The following INPP5A variants were observed in gnomAD, a reference collection of about 807,000 sequenced individuals.
INPP5A encodes the protein 43 kDa inositol polyphosphate 5-phophatase.
In INPP5A, 14 loss-of-function variants were observed where a neutral mutation model predicts 65.2. That is an observed-to-expected ratio of 0.21 (90% CI 0.14 to 0.34). The LOEUF is 0.34. Among genes scored for constraint, INPP5A ranks in the 10% least tolerant of loss-of-function variants. INPP5A has a pLI of 1.00. For synonymous variants in INPP5A, 207 were observed against 208.3 expected (o/e 0.99, Z 0.05); for missense variants, 431 against 545.6 (o/e 0.79, Z 2.09).
intron 4 of INPP5A, among the ~76,000 whole-genome samples, chr10:132,688,456 T>TTGCC (rs1043188903): frequency 6.6e-6 from 1 of 152,200 alleles, no homozygotes; most frequent in Non-Finnish European, 1.5e-5. Context: ...TGTTCAGGCA[T>TTGCC]TGCCTTTGAC....
chr10:132,723,599 GTT>G, intron 8 of INPP5A, among the ~76,000 whole-genome samples: 2 of 94,924 alleles, frequency 2.1e-5, no homozygotes, highest in East Asian at 2.3e-4. Flanking sequence ...GTGGGGATTG[GTT>G]TTGTGGGGAT....
intron 8 of INPP5A, among the ~76,000 whole-genome samples, chr10:132,724,345 C>A (rs1229280363): frequency 6.6e-6 from 1 of 152,218 alleles, no homozygotes; most frequent in Admixed American, 6.5e-5. Context: ...CACCTTAATT[C>A]CGGATGGATT....
At chr10:132,734,091 T>TC (rs1382642152) in intron 9 of INPP5A, among the ~76,000 whole-genome samples, 1 of 152,184 alleles carries the variant, frequency 6.6e-6, no homozygotes, top group African/African-American at 2.4e-5. Context: ...GTACCTCTGG[T>TC]CGGGATTCAG....
chr10:132,571,886 G>A (rs2071345699), intron 1 of INPP5A, among the ~76,000 whole-genome samples: 2 of 152,206 alleles, frequency 1.3e-5, no homozygotes, highest in Non-Finnish European at 2.9e-5. Flanking sequence ...GCTGGCTCTG[G>A]CATCTGAGCT....
intron 4 of INPP5A, among the ~76,000 whole-genome samples, chr10:132,683,094 CGTGT>C (rs1213243057): frequency 1.9e-4 from 28 of 149,410 alleles, no homozygotes; most frequent in Admixed American, 1.8e-3. Context: ...CACGTGCACA[CGTGT>C]GTGTTATCCT....
intron 1 of INPP5A, among the ~76,000 whole-genome samples, chr10:132,563,398 G>C (rs1384416193): frequency 6.6e-6 from 1 of 152,242 alleles, no homozygotes; most frequent in Non-Finnish European, 1.5e-5. Flanking sequence ...TGTGGGTCCT[G>C]CAAATGTGAG....
intron 1 of INPP5A, among the ~76,000 whole-genome samples, chr10:132,556,494 C>T (rs2071128575): frequency 1.3e-5 from 2 of 152,194 alleles, no homozygotes; most frequent in South Asian, 4.1e-4. Context: ...CACAGGCACA[C>T]ACATGCATGT....
At position 132,718,623 on chromosome 10, in the gene INPP5A, G is replaced by T. The variant is rs185633344; in HGVS notation, c.647+8167G>T. On this transcript the variant is annotated intron_variant, in intron 8 of 15. Coordinates refer to ENST00000368594, the MANE Select transcript of INPP5A (RefSeq NM_005539.5). ...CTTAGACGACTGTCTTCAGGGTTCTGTGGTGCCTGGTTTCTGTCTGGGCGC... is the reference window on the plus strand; with the variant it reads ...CTTAGACGACTGTCTTCAGGGTTCTTTGGTGCCTGGTTTCTGTCTGGGCGC... Among the ~76,000 whole-genome samples, 251 of 148,330 alleles carry T rather than the reference G, an allele frequency of 1.7e-3. 8 individuals carry two copies. The highest frequency in any genetic ancestry group is 5.9e-3 in the African/African-American group (236 of 40,212).
chr10:132,712,826 G>A (rs999302842), intron 8 of INPP5A, among the ~76,000 whole-genome samples: 3 of 151,662 alleles, frequency 2.0e-5, no homozygotes, highest in African/African-American at 7.3e-5. Context: ...GTGGGGCCTC[G>A]TGTGGGTGCA....
chr10:132,748,229 C>T (rs947650919), intron 9 of INPP5A, among the ~76,000 whole-genome samples: 6 of 152,084 alleles, frequency 3.9e-5, no homozygotes, highest in African/African-American at 1.2e-4. Flanking sequence ...TCTCCGACTT[C>T]GCCATGTCTG....
intron 7 of INPP5A, among the ~76,000 whole-genome samples, chr10:132,709,065 G>C (rs1242593407): frequency 1.3e-5 from 2 of 151,710 alleles, no homozygotes; most frequent in Non-Finnish European, 2.9e-5. Flanking sequence ...CGAGGTCATA[G>C]CTGTGAGTGT....
chr10:132,540,995 T>TAAGTAG (rs1554924433), intron 1 of INPP5A, among the ~76,000 whole-genome samples: 54 of 147,318 alleles, frequency 3.7e-4, no homozygotes, highest in East Asian at 8.2e-4. Context: ...CTCCTCCCCC[T>TAAGTAG]CTTGTTTTTG....
At chr10:132,687,917 G>T (rs1021631625) in intron 4 of INPP5A, among the ~76,000 whole-genome samples, 1 of 152,220 alleles carries the variant, frequency 6.6e-6, no homozygotes, top group Non-Finnish European at 1.5e-5. Context: ...CTCTTTTTAG[G>T]AGTTTAAATG....
chr10:132,720,268 G>A (rs550611570), intron 8 of INPP5A, among the ~76,000 whole-genome samples: 2 of 149,536 alleles, frequency 1.3e-5, no homozygotes, highest in Admixed American at 6.7e-5. Flanking sequence ...GTGGTGCCTG[G>A]GTTCTGTCTG....
At position 132,550,533 on chromosome 10, in the gene INPP5A, C is replaced by T. The variant is rs531953881; in HGVS notation, c.75+12362C>T. Among the ~76,000 whole-genome samples, 11 of 152,356 alleles carry T rather than the reference C, an allele frequency of 7.2e-5. No homozygotes were observed. The highest frequency in any genetic ancestry group is 1.7e-4 in the African/African-American group (7 of 41,574). On this transcript the variant is annotated intron_variant, in intron 1 of 15. Transcript: ENST00000368594. This position sits in a 1 kb window ranked among gnomAD's most constrained non-coding sequence, Gnocchi z 4.2. ...CCTTGGGCTGAGCTTTTCCGTGAAC[C>T]GGCAGCTGTGTCCCTTGACGTGCTG... is the stretch of plus-strand genomic sequence containing the variant.
chr10:132,653,120 C>T (rs2072600473), intron 4 of INPP5A, among the ~76,000 whole-genome samples: 1 of 152,202 alleles, frequency 6.6e-6, no homozygotes, highest in Admixed American at 6.5e-5. Flanking sequence ...GAGCAGGCCT[C>T]TCCGTCTGTC....
intron 4 of INPP5A, among the ~76,000 whole-genome samples, chr10:132,660,718 AT>A (rs1258939709): frequency 6.6e-6 from 1 of 152,132 alleles, no homozygotes; most frequent in African/African-American, 2.4e-5. Flanking sequence ...TTTGAATGTG[AT>A]TAGGTAGTCA....
At chr10:132,712,945 CGT>C (rs1845672820) in intron 8 of INPP5A, among the ~76,000 whole-genome samples, 1 of 98,180 alleles carries the variant, frequency 1.0e-5, no homozygotes, top group Non-Finnish European at 2.2e-5. Context: ...TGGGTGTGGG[CGT>C]GTGGGTGTGT....
At chr10:132,734,106 G>A (rs775756898) in intron 9 of INPP5A, among the ~76,000 whole-genome samples, 22 of 152,214 alleles carry the variant, frequency 1.4e-4, no homozygotes, top group African/African-American at 4.1e-4. Flanking sequence ...ATTCAGGCTC[G>A]GTCCACGCCA....
Sources: gnomAD v4.1 joint callset for allele counts (sites outside exome capture counted in the v4.1 genomes callset) on GRCh38, gnomAD v4.1.1 for gene constraint, Gnocchi (gnomAD v3.1) non-coding constraint, MANE v1.5 for transcripts, NCBI Gene and HGNC (gene_info 2026-07-23, HGNC 2026-07-21) for gene names.